KCTD1: variants seen among roughly 807,000 people sequenced by gnomAD.
KCTD1 encodes the protein potassium channel tetramerization domain containing 1.
A neutral mutation model predicts 66.0 loss-of-function variants in KCTD1; 24 were observed. That is an observed-to-expected ratio of 0.36 (90% confidence interval 0.26 to 0.51). The LOEUF (loss-of-function observed/expected upper bound fraction) is 0.51. Among genes scored for constraint, KCTD1 ranks in the 20% least tolerant of loss-of-function variants. The pLI is 0.95. For synonymous variants in KCTD1, 511 were observed against 517.2 expected (o/e 0.99, Z 0.16); for missense variants, 943 against 1,205.2 (o/e 0.78, Z 3.22).
intron 2 of KCTD1, among the ~76,000 whole-genome samples, chr18:26,500,561 G>A (rs768869770): frequency 2.0e-5 from 3 of 152,040 alleles, no homozygotes; most frequent in Non-Finnish European, 4.4e-5. Flanking sequence ...CCTTAAGTTC[G>A]TAAGTTCCAT....
At chr18:26,574,179 T>G (rs1986171599) in intron 1 of KCTD1, among the ~76,000 whole-genome samples, 1 of 152,226 alleles carries the variant, frequency 6.6e-6, no homozygotes, top group East Asian at 1.9e-4. Context: ...AAACAGCTTT[T>G]TAACAGTGCT....
At chr18:26,523,960 A>G (rs997389886) in intron 1 of KCTD1, among the ~76,000 whole-genome samples, 4 of 152,264 alleles carry the variant, frequency 2.6e-5, no homozygotes, top group Non-Finnish European at 5.9e-5. Flanking sequence ...AACAGACTCG[A>G]ATCTGCAGTC....
upstream of KCTD1, among the ~76,000 whole-genome samples, chr18:26,553,278 C>T (rs1373664747): frequency 6.6e-6 from 1 of 152,210 alleles, no homozygotes; most frequent in Non-Finnish European, 1.5e-5. Flanking sequence ...TTGAATTCAA[C>T]TGAGAATCAT....
intron 1 of KCTD1, among the ~76,000 whole-genome samples, chr18:26,520,568 C>T (rs1983863246): frequency 6.6e-6 from 1 of 150,708 alleles, no homozygotes; most frequent in African/African-American, 2.4e-5. Flanking sequence ...CCTTAATTCA[C>T]ACATATTTCT....
chr18:26,480,831 T>A (rs1388794571), intron 2 of KCTD1, among the ~76,000 whole-genome samples: 1 of 152,082 alleles, frequency 6.6e-6, no homozygotes, highest in East Asian at 1.9e-4. Context: ...CAAGACCTAA[T>A]CTCTGAGGAA....
chr18:26,559,906 T>C (rs972301370), intron 1 of KCTD1, among the ~76,000 whole-genome samples: 3 of 152,186 alleles, frequency 2.0e-5, no homozygotes, highest in Non-Finnish European at 1.5e-5. Context: ...CTTTTGCCAG[T>C]GCCCTTCAGT....
chr18:26,656,592 G>C (rs1410512696), intron 1 of KCTD1, among the ~76,000 whole-genome samples: 1 of 151,256 alleles, frequency 6.6e-6, no homozygotes, highest in African/African-American at 2.4e-5. Flanking sequence ...GGAGCGGCGT[G>C]GTCCGGCCCG....
chr18:26,567,563 C>T (rs551126300), intron 1 of KCTD1, among the ~76,000 whole-genome samples: 2 of 150,652 alleles, frequency 1.3e-5, no homozygotes, highest in East Asian at 3.9e-4. Context: ...TCTCGGCTCA[C>T]TGCAACCTCC....
chr18:26,494,929 C>T (rs955618971), intron 2 of KCTD1, among the ~76,000 whole-genome samples: 3 of 152,058 alleles, frequency 2.0e-5, no homozygotes, highest in Admixed American at 6.6e-5. Context: ...GACTACATAA[C>T]GAAGGTTGAT....
chr18:26,473,139 G>GA (rs1477398219), intron 3 of KCTD1, among the ~76,000 whole-genome samples: 2 of 152,112 alleles, frequency 1.3e-5, no homozygotes, highest in Non-Finnish European at 2.9e-5. Context: ...ATCATGCCAA[G>GA]AAAAAACTGT....
intron 1 of KCTD1, among the ~76,000 whole-genome samples, chr18:26,621,947 C>A (rs1161157032): frequency 6.6e-6 from 1 of 152,146 alleles, no homozygotes; most frequent in Non-Finnish European, 1.5e-5. Context: ...CAAGGCTTGA[C>A]CTCCACTTCT....
chr18:26,549,681 C>A, upstream of KCTD1: 1 of 978,336 alleles, frequency 1.0e-6, no homozygotes, highest in Non-Finnish European at 1.2e-6. Flanking sequence ...CTCGGCCGAC[C>A]CTGCCGCAGC....
chr18:26,606,711 G>A (rs756629379), intron 1 of KCTD1, among the ~76,000 whole-genome samples: 1 of 152,192 alleles, frequency 6.6e-6, no homozygotes, highest in African/African-American at 2.4e-5. Flanking sequence ...CCTGCTGGCC[G>A]ACCTCAGCTC....
intron 1 of KCTD1, among the ~76,000 whole-genome samples, chr18:26,601,180 A>G (rs1241770936): frequency 6.6e-6 from 1 of 152,034 alleles, no homozygotes; most frequent in African/African-American, 2.4e-5. Context: ...CTGAACAACA[A>G]TAAGTCTCTC....
intron 4 of KCTD1, chr18:26,457,329 A>G (rs1265123345): frequency 6.6e-6 from 1 of 152,202 alleles, no homozygotes; most frequent in Non-Finnish European, 1.5e-5. Context: ...GTAAATACAA[A>G]GACGAAGAAC....
At chr18:26,517,481 C>T (rs1207499568) in intron 1 of KCTD1, among the ~76,000 whole-genome samples, 1 of 152,002 alleles carries the variant, frequency 6.6e-6, no homozygotes, top group Non-Finnish European at 1.5e-5. Context: ...CATGGAGAAA[C>T]CCCGTCTCTA....
chr18:26,488,684 T>C (rs1350773986), intron 2 of KCTD1, among the ~76,000 whole-genome samples: 1 of 152,202 alleles, frequency 6.6e-6, no homozygotes, highest in Non-Finnish European at 1.5e-5. Flanking sequence ...TTATGTACAG[T>C]TGTAATTTAT....
chr18:26,587,295 G>A (rs370675240), intron 1 of KCTD1, among the ~76,000 whole-genome samples: 2 of 152,262 alleles, frequency 1.3e-5, no homozygotes, highest in South Asian at 2.1e-4. Context: ...TTACAGCATG[G>A]TTTACTGAAT....
At chr18:26,458,307 A>G (rs986076513) in intron 4 of KCTD1, 1 of 152,250 alleles carries the variant, frequency 6.6e-6, no homozygotes, top group African/African-American at 2.4e-5. Flanking sequence ...TATAAATAGT[A>G]GTGGAACAAT....
Sources: allele counts gnomAD v4.1 joint callset (sites outside exome capture counted in the v4.1 genomes callset), GRCh38; gene constraint gnomAD v4.1.1; transcripts MANE v1.5; gene names NCBI Gene and HGNC (gene_info 2026-07-23, HGNC 2026-07-21).